The following SCP2 variants were observed in gnomAD, a reference collection of about 807,000 sequenced individuals.
SCP2 encodes the protein sterol carrier protein 2, also known as SCP-2/3-oxoacyl-CoA thiolase.
A neutral mutation model predicts 71.4 loss-of-function variants in SCP2; 48 were observed. The observed-to-expected ratio is 0.67, with a 90% CI of 0.53 to 0.86. The LOEUF is 0.86. Ranked by LOEUF, SCP2 falls within the 40% of genes least tolerant of loss-of-function variation. SCP2 has a pLI of 0.00. For missense variants in SCP2, 560 were observed against 655.6 expected (o/e 0.85, Z 1.59); for synonymous variants, 220 against 218.1 (o/e 1.01, Z -0.08).
chr1:52,976,821 C>T (rs1339945610), intron 8 of SCP2, 52 bp downstream of exon 8: 1 of 909,262 alleles, frequency 1.1e-6, no homozygotes, highest in African/African-American at 1.6e-5. Context: ...GCTGCCCTTC[C>T]TGCCACCCCC....
intron 11 of SCP2, among the ~76,000 whole-genome samples, chr1:52,990,859 C>T (rs1308311763): frequency 1.3e-5 from 2 of 151,816 alleles, no homozygotes; most frequent in Non-Finnish European, 2.9e-5. Flanking sequence ...AGAGATTAGG[C>T]CACAAAAGTT....
intron 15 of SCP2, 171 bp from the exon 16 acceptor site, chr1:53,050,437 CT>C: frequency 3.5e-6 from 2 of 566,520 alleles, no homozygotes; most frequent in Non-Finnish European, 6.3e-6. Flanking sequence ...TTTACAAATT[CT>C]TCCTTTTGAA....
At position 53,001,895 on chromosome 1, in the gene SCP2, C is replaced by T. The variant is rs1307160805; in HGVS notation, c.1082-12995C>T. Among the ~76,000 whole-genome samples the T allele has an allele frequency of 4.6e-5, 7 of 152,018 alleles. No individual in the cohort carries two copies. The East Asian group carries it at 9.6e-4, about 21-fold the overall frequency. ...ATTTATAGGCTTTAAAAAAATCTTCCCTATTTAGGCTGGGTGCGGTGGCTC... is the reference window on the plus strand; with the variant it reads ...ATTTATAGGCTTTAAAAAAATCTTCTCTATTTAGGCTGGGTGCGGTGGCTC... On this transcript the variant is annotated intron_variant, in intron 11 of 15. Transcript: ENST00000371514.
chr1:52,932,263 A>C (rs547204010), intron 1 of SCP2, among the ~76,000 whole-genome samples: 28 of 152,322 alleles, frequency 1.8e-4, no homozygotes, highest in Non-Finnish European at 3.5e-4. Context: ...ATTATCCTGA[A>C]ATATCAGAAC....
intron 1 of SCP2, among the ~76,000 whole-genome samples, chr1:52,936,252 T>G (rs2150102849): frequency 6.6e-6 from 1 of 152,380 alleles, no homozygotes; most frequent in Non-Finnish European, 1.5e-5. Flanking sequence ...AGTTTTAAGT[T>G]CTATTATGAT....
chr1:53,021,597 G>C (rs1220943879), intron 12 of SCP2, among the ~76,000 whole-genome samples: 1 of 151,474 alleles, frequency 6.6e-6, no homozygotes, highest in African/African-American at 2.4e-5. Flanking sequence ...TGGGATTACA[G>C]GCATGAGCCA....
At chr1:52,975,118 G>A (rs1040413886) in intron 7 of SCP2, among the ~76,000 whole-genome samples, 4 of 151,828 alleles carry the variant, frequency 2.6e-5, no homozygotes, top group Non-Finnish European at 5.9e-5. Context: ...GCGTGATCTC[G>A]GCTGCCTGCA....
chr1:53,016,453 G>GT (rs550066683), intron 12 of SCP2, among the ~76,000 whole-genome samples: 14 of 151,928 alleles, frequency 9.2e-5, no homozygotes, highest in Non-Finnish European at 2.1e-4. Context: ...TTTTTGTGGG[G>GT]TTTTTTTCTT....
At chr1:53,046,100 C>A (rs1373916938) in intron 14 of SCP2, among the ~76,000 whole-genome samples, 4 of 152,170 alleles carry the variant, frequency 2.6e-5, no homozygotes, top group African/African-American at 9.7e-5. Context: ...AAGTATGAAT[C>A]TTAAAGCCAC....
intron 13 of SCP2, among the ~76,000 whole-genome samples, chr1:53,029,345 C>T (rs1662362165): frequency 6.7e-6 from 1 of 149,230 alleles, no homozygotes; most frequent in African/African-American, 2.5e-5. Flanking sequence ...CTCACTGCAG[C>T]CTTGAGCCCC....
At chr1:52,988,188 G>T (rs1451693123) in intron 11 of SCP2, 52 bp downstream of exon 11, 1 of 903,992 alleles carries the variant, frequency 1.1e-6, no homozygotes, top group Admixed American at 1.8e-5. Context: ...TTCCTTAAGT[G>T]TGAATGAGTT....
intron 10 of SCP2, among the ~76,000 whole-genome samples, chr1:52,986,753 A>C (rs1659013407): frequency 6.6e-6 from 1 of 151,876 alleles, no homozygotes; most frequent in Non-Finnish European, 1.5e-5. Context: ...AATAGTCATC[A>C]CTCAGTATCT....
At chr1:52,934,764 C>CA (rs1483113610) in intron 1 of SCP2, among the ~76,000 whole-genome samples, 1 of 149,180 alleles carries the variant, frequency 6.7e-6, no homozygotes, top group Non-Finnish European at 1.5e-5. Flanking sequence ...AGGTGCCTGC[C>CA]AACACGCCCG....
chr1:52,978,413 C>T lies in SCP2; in HGVS notation c.825+46C>T, dbSNP rs934019145. The T allele has an allele frequency of 2.0e-6, 3 of 1,469,450 alleles. No individual in the cohort carries two copies. In the South Asian group the frequency reaches 3.4e-5, roughly 17 times the overall value. The allele number at this position is 1,469,450 out of a possible 1,614,324, so 91.0% of individuals were successfully genotyped here. On this transcript the variant is annotated intron_variant, in intron 9 of 15. Coordinates refer to ENST00000371514, the MANE Select transcript of SCP2 (RefSeq NM_002979.5). ...GTTATTTTTATTTTTAAGATGGAGT[C>T]TCATGATTCTTGTGATGGAGCCATG...
intron 1 of SCP2, among the ~76,000 whole-genome samples, chr1:52,929,196 A>C (rs796805898): frequency 4.1e-5 from 4 of 96,428 alleles, no homozygotes; most frequent in African/African-American, 1.1e-4. Context: ...ACACTGTAAC[A>C]CTTTTTTTTT....
At chr1:52,994,038 G>T in intron 11 of SCP2, 1 of 1,170,606 alleles carries the variant, frequency 8.5e-7, no homozygotes, top group Non-Finnish European at 1.1e-6. Context: ...TCAAGGTACC[G>T]TATCTGTATG....
intron 12 of SCP2, among the ~76,000 whole-genome samples, chr1:53,024,405 G>T (rs1160066087): frequency 6.6e-6 from 1 of 152,046 alleles, no homozygotes; most frequent in Non-Finnish European, 1.5e-5. Context: ...ACAACATTAT[G>T]ACTGTATTTA....
chr1:52,948,543 T>G (rs1376841712), intron 3 of SCP2, among the ~76,000 whole-genome samples: 2 of 148,656 alleles, frequency 1.3e-5, no homozygotes, highest in Non-Finnish European at 3.0e-5. Flanking sequence ...GAGAATCTCT[T>G]GAACCCAGGA....
chr1:52,961,673 T>C, intron 6 of SCP2, 44 bp downstream of exon 6: 2 of 1,518,318 alleles, frequency 1.3e-6, no homozygotes, highest in Non-Finnish European at 1.8e-6. Context: ...ACTAGTTATA[T>C]ACATGAGATG....
Sources: allele counts gnomAD v4.1 joint callset (sites outside exome capture counted in the v4.1 genomes callset), GRCh38; gene constraint gnomAD v4.1.1; transcripts MANE v1.5; gene names NCBI Gene and HGNC (gene_info 2026-07-23, HGNC 2026-07-21).